ADGRB1: variants seen among roughly 807,000 people sequenced by gnomAD.
The protein encoded by ADGRB1 is brain-specific angiogenesis inhibitor 1.
A neutral mutation model predicts 175.7 loss-of-function variants in ADGRB1; 36 were observed. The ratio of observed to expected loss-of-function variants is 0.20; its 90% CI spans 0.16 to 0.27. The LOEUF is 0.27. Among genes scored for constraint, ADGRB1 ranks in the 10% least tolerant of loss-of-function variants. The probability of loss-of-function intolerance (pLI) is 1.00; values close to 1 mark genes in which losing one functional copy is unlikely to be tolerated. For missense variants in ADGRB1, 1,731 were observed against 2,255.3 expected (o/e 0.77, Z 4.71); for synonymous variants, 1,054 against 979.4 (o/e 1.08, Z -1.42).
Position 142,479,204 on chromosome 8 carries a change from CTA to C in ADGRB1, c.1562-117_1562-116del, listed in dbSNP as rs1316314758. ...CCTCCTGCCCCACATTCCTGGGTCCCTATGTTTCACTGCCGCATGGCTCTGTG... is the reference window on the plus strand; with the variant it reads ...CCTCCTGCCCCACATTCCTGGGTCCCTGTTTCACTGCCGCATGGCTCTGTG... On this transcript the variant is annotated intron_variant, in intron 7 of 30. Coordinates refer to ENST00000517894, the MANE Select transcript of ADGRB1 (RefSeq NM_001702.3). 1.0e-5 allele frequency: 12 copies of C among 1,179,278 alleles called. No individual in the cohort carries two copies. The African/African-American group carries it at 1.9e-4, about 19-fold the overall frequency. 73.1% of individuals were successfully genotyped at this position (1,179,278 alleles called of 1,614,324 possible). A position where few individuals can be genotyped will look rare whatever the true frequency, so the allele number is the denominator to read the frequency against.
rs907409278 is a variant in ADGRB1 at position 142,518,160 on chromosome 8, C to T, written c.2840C>T (p.Pro947Leu). ...CAGAACATGGAGAAGGCGACTCTGC[C>T]GTCGGTGACGCTCATCGTGGGCTGT... ...ADANMEKATL[P>L]SVTLIVGCGV... The change falls in exon 19 of 31, where the codon CCG becomes CTG. Residue 947 changes from proline to leucine, a missense_variant. Pro to Leu is a moderately conservative substitution (Grantham distance 98). Transcript: ENST00000517894. 13 of 1,613,730 alleles carry T rather than the reference C, an allele frequency of 8.1e-6. No homozygotes were observed. The highest frequency in any genetic ancestry group is 1.1e-5 in the South Asian group (1 of 91,078).
chr8:142,541,280 G>A (rs1198286520), intron 27 of ADGRB1, among the ~76,000 whole-genome samples: 6 of 152,112 alleles, frequency 3.9e-5, no homozygotes, highest in Non-Finnish European at 5.9e-5. Context: ...GAAGTCGGGG[G>A]CAAACTGGAG....
At chr8:142,507,704 C>T (rs1441794446) in intron 17 of ADGRB1, among the ~76,000 whole-genome samples, 1 of 152,252 alleles carries the variant, frequency 6.6e-6, no homozygotes, top group Admixed American at 6.5e-5. Context: ...CGGCTCCCTG[C>T]ACCCTCGAAG....
At chr8:142,513,872 TG>T (rs1843248135) in intron 18 of ADGRB1, among the ~76,000 whole-genome samples, 1 of 151,844 alleles carries the variant, frequency 6.6e-6, no homozygotes, top group African/African-American at 2.4e-5. Flanking sequence ...GAGAGACTGG[TG>T]GCCCGCAAGG....
In ADGRB1 at chr8:142,474,473, G is replaced by A. The variant is rs1301503327; in HGVS notation, c.785-1001G>A. ...CATGAGCCCAGAGTGCTGGGCAGGAGGCCCGAGCGGGAGGCCTGGACGCGG... is the reference window on the plus strand; with the variant it reads ...CATGAGCCCAGAGTGCTGGGCAGGAAGCCCGAGCGGGAGGCCTGGACGCGG... On this transcript the variant is annotated intron_variant, in intron 2 of 30. Coordinates refer to ENST00000517894, the MANE Select transcript of ADGRB1 (RefSeq NM_001702.3). The surrounding 1 kb of genome is among the most constrained non-coding windows in gnomAD (Gnocchi z 5.8). 6.6e-6 allele frequency among the ~76,000 whole-genome samples: 1 copy of A among 152,164 alleles called. No individual in the cohort carries two copies. Among genetic ancestry groups the A allele is most frequent in the Non-Finnish European group, 1.5e-5 (1 of 68,012 alleles).
rs903795997 is a variant in ADGRB1, at chr8:142,489,432, G to A, written c.2625G>A (p.Met875Ile). 3 of 1,612,518 alleles carry A rather than the reference G, an allele frequency of 1.9e-6. No individual in the cohort carries two copies. Among genetic ancestry groups the A allele is most frequent in the South Asian group, 1.1e-5 (1 of 91,082 alleles). ...RTPLEIEFAHMYNGTTNQTCI... is the reference protein window; with the variant it reads ...RTPLEIEFAHIYNGTTNQTCI... ...CCTTGGAGATCGAGTTTGCCCACAT[G>A]TATAATGTGAGTGCCGTCCACGTGC... Residue 875 changes from methionine (M) to isoleucine (I), a missense_variant, in exon 16 of 31, where the codon ATG (methionine) becomes ATA (isoleucine). Around this residue, in one of 8 missense-constraint regions of ADGRB1, gnomAD observed 388 missense variants for 630.9 expected, o/e 0.61. Coordinates refer to ENST00000517894, the MANE Select transcript of ADGRB1 (RefSeq NM_001702.3).
chr8:142,541,313 C>T (rs1479736915), intron 27 of ADGRB1, among the ~76,000 whole-genome samples: 1 of 152,144 alleles, frequency 6.6e-6, no homozygotes, highest in African/African-American at 2.4e-5. Context: ...GTCAAGGCGG[C>T]TGGGCCCCTT....
rs1405981390 is a variant in ADGRB1 at position 142,492,722 on chromosome 8, C to G, written c.2675+1907C>G. Among the ~76,000 whole-genome samples, 1 of 152,186 alleles carries G rather than the reference C, an allele frequency of 6.6e-6. No individual in the cohort carries two copies. Among genetic ancestry groups the G allele is most frequent in the Admixed American group, 6.5e-5 (1 of 15,288 alleles). On this transcript the variant is annotated intron_variant, in intron 17 of 30. Transcript: ENST00000517894. This position sits in a 1 kb window ranked among gnomAD's most constrained non-coding sequence, Gnocchi z 4.4. ...TGGGTGCCCTGCAGCCCTGGGGAGC[C>G]AGCTCTCTAGCTCTCGTAAGGGTGG...
rs988190074 is a variant in ADGRB1, at chr8:142,542,791, G to C, written c.4413+144G>C. ...AGCTACACCCCCCACCCCTGGCCCT[G>C]CTGGGTGTGCTGTGTATGTCTGACG... On this transcript the variant is annotated intron_variant, in intron 28 of 30. Transcript: ENST00000517894. The surrounding 1 kb of genome is among the most constrained non-coding windows in gnomAD (Gnocchi z 6.3). 1.3e-6 allele frequency: 1 copy of C among 756,502 alleles called. No individual in the cohort carries two copies. The highest frequency in any genetic ancestry group is 3.2e-5 in the Admixed American group (1 of 31,144). 46.9% of individuals were successfully genotyped at this position (756,502 alleles called of 1,614,324 possible).
At chr8:142,477,858 T>C (rs1439008072) in intron 6 of ADGRB1, among the ~76,000 whole-genome samples, 2 of 149,546 alleles carry the variant, frequency 1.3e-5, no homozygotes, top group African/African-American at 2.5e-5. Context: ...TTCACACCCA[T>C]GTCCCAGGCT....
chr8:142,453,273 G>C (rs1023826457), intron 1 of ADGRB1, among the ~76,000 whole-genome samples: 5 of 152,342 alleles, frequency 3.3e-5, no homozygotes, highest in African/African-American at 9.6e-5. Context: ...GTGTGTGCGT[G>C]ACGGGGGCGG....
rs2131869352 is a variant in ADGRB1 at position 142,488,365 on chromosome 8, T to C, written c.2310T>C (p.Val770=). 1 of 1,612,946 alleles carries C rather than the reference T, an allele frequency of 6.2e-7. No homozygotes were observed. Among genetic ancestry groups the C allele is most frequent in the Non-Finnish European group, 8.5e-7 (1 of 1,179,778 alleles). The change falls in exon 14 of 31, where the codon GTT becomes GTC. Residue 770 remains valine, a splice_region_variant and synonymous_variant. Transcript: ENST00000517894. The part of the protein sequence containing the change: ...RDAYQVTDNL[V]LSIHKLPASG... ...TCCCGCCTTTGACCCTGCTCCCAGT[T>C]CTCAGCATCCATAAGCTCCCAGCCA...
At chr8:142,523,574 A>G (rs951160954) in intron 22 of ADGRB1, among the ~76,000 whole-genome samples, 2 of 151,892 alleles carry the variant, frequency 1.3e-5, no homozygotes, top group Non-Finnish European at 2.9e-5. Flanking sequence ...AGAAGCAAAT[A>G]CCTGGCCTGC....
rs765210709 is a variant in ADGRB1, at chr8:142,542,611, C to A, written c.4377C>A (p.Asn1459Lys). ...CCAGCACGGGGCCCAGCACCAAGAA[C>A]GAGAATGTCGCCACCTTGTCTGTGA... The part of the protein sequence containing the change: ...PGPSTGPSTK[N>K]ENVATLSVSS... The change falls in exon 28 of 31, where the codon AAC (asparagine) becomes AAA (lysine). Residue 1459 changes from asparagine to lysine, a missense_variant. Physicochemically the swap from Asn to Lys is moderately conservative, Grantham distance 94. Coordinates refer to ENST00000517894, the MANE Select transcript of ADGRB1 (RefSeq NM_001702.3). This position sits in a 1 kb window ranked among gnomAD's most constrained non-coding sequence, Gnocchi z 6.3. The A allele has an allele frequency of 5.8e-6, 9 of 1,551,722 alleles. No individual in the cohort carries two copies. Among genetic ancestry groups the A allele is most frequent in the Non-Finnish European group, 7.8e-6 (9 of 1,148,838 alleles).
At position 142,510,932 on chromosome 8, in the gene ADGRB1, A is replaced by G; in HGVS notation, c.2676A>G (p.Val892=). The change falls in exon 18 of 31, where the codon GTA becomes GTG. Residue 892 remains valine (V), a splice_region_variant and synonymous_variant. Coordinates refer to ENST00000517894, the MANE Select transcript of ADGRB1 (RefSeq NM_001702.3). This position sits in a 1 kb window ranked among gnomAD's most constrained non-coding sequence, Gnocchi z 6.3. ...CCTCCCGTGTCCCGCCCGCCCCCAG[A>G]CCCTCCTCCTCCGCCCCCCCGCAGC... ...QTCILWDETD[V]PSSSAPPQLG... is the part of the protein sequence containing the mutation. The G allele has an allele frequency of 1.0e-6, 1 of 992,050 alleles. No homozygotes were observed. The allele number at this position is 992,050 out of a possible 1,614,324, so 61.5% of individuals were successfully genotyped here.
rs1842746290 is a variant in ADGRB1, at chr8:142,504,058, A to G, written c.2676-6874A>G. Among the ~76,000 whole-genome samples the G allele has an allele frequency of 6.6e-6, 1 of 152,216 alleles. No individual in the cohort carries two copies. On this transcript the variant is annotated intron_variant, in intron 17 of 30. Coordinates refer to ENST00000517894, the MANE Select transcript of ADGRB1 (RefSeq NM_001702.3). The surrounding 1 kb of genome is among the most constrained non-coding windows in gnomAD (Gnocchi z 5.6). Reference sequence around the variant, plus strand: ...CAGCGTCATCTGGCAAGCTGGGTTCAGTAAGACCCAGGTCAGGCAGGTGTT... The same window carrying G: ...CAGCGTCATCTGGCAAGCTGGGTTCGGTAAGACCCAGGTCAGGCAGGTGTT...
In ADGRB1 at chr8:142,510,551, C is replaced by T. The variant is rs1843035162; in HGVS notation, c.2676-381C>T. Among the ~76,000 whole-genome samples the T allele has an allele frequency of 1.3e-5, 2 of 149,444 alleles. No homozygotes were observed. The highest frequency in any genetic ancestry group is 4.9e-5 in the African/African-American group (2 of 41,088). ...CACGCGCCCCTCCGGGCCTCCCCCT[C>T]CTTCCCGCGCGGGCCGGGGGCGCGG... is the stretch of plus-strand genomic sequence containing the variant. On this transcript the variant is annotated intron_variant, in intron 17 of 30. Transcript: ENST00000517894. The surrounding 1 kb of genome is among the most constrained non-coding windows in gnomAD (Gnocchi z 6.3).
At chr8:142,491,971 A>G (rs947176572) in intron 17 of ADGRB1, among the ~76,000 whole-genome samples, 1 of 152,060 alleles carries the variant, frequency 6.6e-6, no homozygotes, top group African/African-American at 2.4e-5. Context: ...GGAGCCGGCC[A>G]GGAGGAGCAG....
chr8:142,542,131 G>C lies in ADGRB1; in HGVS notation c.3897G>C (p.Leu1299=), dbSNP rs368761546. ...CACCCCGCTATCCCGGCGGGCCCCT[G>C]CCCGACTTCCCCAACCACTCACTGA... ...HGSPRYPGGP[L]PDFPNHSLTL... is the part of the protein sequence containing the mutation. The change falls in exon 28 of 31, where the codon CTG becomes CTC. Residue 1299 remains leucine (L), a synonymous_variant. Coordinates refer to ENST00000517894, the MANE Select transcript of ADGRB1 (RefSeq NM_001702.3). This position sits in a 1 kb window ranked among gnomAD's most constrained non-coding sequence, Gnocchi z 6.3. 1 of 1,613,124 alleles carries C rather than the reference G, an allele frequency of 6.2e-7. No individual in the cohort carries two copies. The highest frequency in any genetic ancestry group is 1.1e-5 in the South Asian group (1 of 91,064).
Sources: gnomAD v4.1 joint callset for allele counts (sites outside exome capture counted in the v4.1 genomes callset) on GRCh38, gnomAD v4.1.1 for gene constraint, gnomAD v4.1.1 regional missense constraint, Gnocchi (gnomAD v3.1) non-coding constraint, MANE v1.5 for transcripts, NCBI Gene and HGNC (gene_info 2026-07-23, HGNC 2026-07-21) for gene names.